GALK2: variants seen among roughly 807,000 people sequenced by gnomAD.
The protein encoded by GALK2 is galactokinase 2.
A neutral mutation model predicts 52.4 loss-of-function variants in GALK2; 36 were observed. The ratio of observed to expected loss-of-function variants is 0.69; its 90% CI spans 0.53 to 0.91. The LOEUF (loss-of-function observed/expected upper bound fraction) is 0.91, where lower values mean the gene tolerates loss of function less well. Among genes scored for constraint, GALK2 ranks in the 40% least tolerant of loss-of-function variants. The probability of loss-of-function intolerance (pLI) is 0.00; values close to 1 mark genes in which losing one functional copy is unlikely to be tolerated. For synonymous variants in GALK2, 176 were observed against 199.1 expected (o/e 0.88, Z 0.98); for missense variants, 579 against 559.1 (o/e 1.04, Z -0.36).
intron 8 of GALK2, among the ~76,000 whole-genome samples, chr15:49,309,481 G>C (rs2035812538): frequency 6.6e-6 from 1 of 151,862 alleles, no homozygotes; most frequent in Non-Finnish European, 1.5e-5. Flanking sequence ...ATATTTATAG[G>C]GTACAGAGTG....
At chr15:49,342,828 T>C (rs1262268922) in intron 3 of GALK2, among the ~76,000 whole-genome samples, 1 of 152,214 alleles carries the variant, frequency 6.6e-6, no homozygotes, top group African/African-American at 2.4e-5. Flanking sequence ...GAATTTCTTT[T>C]CTTTAAGAAT....
Position 49,328,008 on chromosome 15 carries a change from T to C in GALK2, c.1226T>C (p.Val409Ala), listed in dbSNP as rs1385508590. ...LTGAGWGGCT[V>A]SMVPADKLPS... The stretch of plus-strand genomic sequence containing the variant: ...GGAGCAGGATGGGGAGGCTGCACAG[T>C]ATCAATGGTACCTGCGGACAAGCTG... The change falls in exon 10 of 10, where the codon GTA (valine) becomes GCA (alanine). Residue 409 changes from valine (V) to alanine (A), a missense_variant. Physicochemically the swap from Val to Ala is moderately conservative, Grantham distance 64. Coordinates refer to ENST00000560031, the MANE Select transcript of GALK2 (RefSeq NM_002044.4). The C allele has an allele frequency of 6.2e-7, 1 of 1,613,924 alleles. No homozygotes were observed. The highest frequency in any genetic ancestry group is 8.5e-7 in the Non-Finnish European group (1 of 1,179,814).
chr15:49,189,886 A>G (rs1160696777), intron 1 of GALK2, among the ~76,000 whole-genome samples: 1 of 152,160 alleles, frequency 6.6e-6, no homozygotes, highest in African/African-American at 2.4e-5. Flanking sequence ...TTTTCAGACC[A>G]TGGTTGACAG....
intron 3 of GALK2, among the ~76,000 whole-genome samples, chr15:49,338,598 T>C (rs1037520832): frequency 2.6e-5 from 4 of 152,190 alleles, no homozygotes; most frequent in African/African-American, 7.2e-5. Context: ...CTGACAATTA[T>C]GTGTCTTGGG....
intron 8 of GALK2, among the ~76,000 whole-genome samples, chr15:49,317,076 A>T (rs897204087): frequency 6.6e-6 from 1 of 152,212 alleles, no homozygotes; most frequent in African/African-American, 2.4e-5. Context: ...ATGTTGAAGG[A>T]TAGATACTTT....
intron 5 of GALK2, among the ~76,000 whole-genome samples, chr15:49,281,439 T>C (rs936635056): frequency 1.3e-5 from 2 of 152,220 alleles, no homozygotes; most frequent in African/African-American, 4.8e-5. Context: ...TTCAAGATTT[T>C]CAGTTTGGGT....
chr15:49,198,420 A>C, intron 1 of GALK2, among the ~76,000 whole-genome samples: 1 of 152,196 alleles, frequency 6.6e-6, no homozygotes. Flanking sequence ...TGACCTTATT[A>C]ATCTTCCCAA....
At chr15:49,354,337 G>A (rs574144681) in intron 3 of GALK2, among the ~76,000 whole-genome samples, 22 of 152,306 alleles carry the variant, frequency 1.4e-4, no homozygotes, top group South Asian at 4.1e-4. Context: ...TGAGGTACCG[G>A]GTTCATCTCA....
At chr15:49,277,571 G>A (rs1424753574) in intron 5 of GALK2, among the ~76,000 whole-genome samples, 1 of 148,938 alleles carries the variant, frequency 6.7e-6, no homozygotes, top group Admixed American at 6.7e-5. Context: ...GCCGAGGCGG[G>A]CGGATCACGA....
intron 2 of GALK2, among the ~76,000 whole-genome samples, chr15:49,215,573 G>A (rs2089302811): frequency 6.6e-6 from 1 of 152,160 alleles, no homozygotes; most frequent in South Asian, 2.1e-4. Flanking sequence ...ATTTCTGTTT[G>A]AAATTTCAAA....
chr15:49,183,807 C>T (rs1217147293), intron 1 of GALK2, among the ~76,000 whole-genome samples: 2 of 149,704 alleles, frequency 1.3e-5, no homozygotes, highest in East Asian at 2.0e-4. Flanking sequence ...CACACCATTG[C>T]ACTCCAGCCT....
At chr15:49,227,169 GT>G (rs1488113507) in intron 3 of GALK2, among the ~76,000 whole-genome samples, 2 of 152,156 alleles carry the variant, frequency 1.3e-5, no homozygotes, top group African/African-American at 2.4e-5. Flanking sequence ...TCTAAATCCA[GT>G]GTTTCTTTTT....
intron 7 of GALK2, among the ~76,000 whole-genome samples, chr15:49,289,832 C>A (rs2033757415): frequency 1.3e-5 from 2 of 152,158 alleles, no homozygotes; most frequent in African/African-American, 2.4e-5. Context: ...CTGAGAGAAA[C>A]CAACCTAAAA....
intron 3 of GALK2, chr15:49,354,007 T>G (rs1195104544): frequency 6.6e-6 from 1 of 152,206 alleles, no homozygotes; most frequent in East Asian, 1.9e-4. Flanking sequence ...TAAATAATGG[T>G]AAAAAGAATA....
Position 49,217,129 on chromosome 15 carries a change from T to C in GALK2, c.143-61T>C, listed in dbSNP as rs2089443540. On this transcript the variant is annotated intron_variant, in intron 2 of 9. Coordinates refer to ENST00000560031, the MANE Select transcript of GALK2 (RefSeq NM_002044.4). ...TCAGTTTTTTCCTGTATGTAAACTT[T>C]CTTGAGGTGCTTTTGTTTTATATAT... 3.4e-6 allele frequency: 5 copies of C among 1,484,172 alleles called. No homozygotes were observed. In the South Asian group the frequency reaches 3.7e-5, roughly 11 times the overall value. 91.9% of individuals were successfully genotyped at this position (1,484,172 alleles called of 1,614,324 possible).
chr15:49,234,019 G>A (rs959227191), intron 3 of GALK2, among the ~76,000 whole-genome samples: 4 of 152,076 alleles, frequency 2.6e-5, no homozygotes, highest in African/African-American at 7.2e-5. Flanking sequence ...AAGAGATAAT[G>A]TATCCATGTT....
At chr15:49,179,899 C>T (rs1447611716) in intron 1 of GALK2, among the ~76,000 whole-genome samples, 1 of 152,064 alleles carries the variant, frequency 6.6e-6, no homozygotes, top group Non-Finnish European at 1.5e-5. Context: ...CCAATTACAG[C>T]CCTACCATTC....
At chr15:49,170,211 G>T, upstream of GALK2, 1 of 1,516,296 alleles carries the variant, frequency 6.6e-7, no homozygotes, top group East Asian at 2.5e-5. Context: ...CGCAGGGCGG[G>T]AGCTGTTTAT....
At chr15:49,225,330 A>T in intron 3 of GALK2, 1 of 433,136 alleles carries the variant, frequency 2.3e-6, no homozygotes, top group South Asian at 1.6e-5. Context: ...CCTGTTCAGA[A>T]GTGGGCCACA....
Sources: allele counts gnomAD v4.1 joint callset (sites outside exome capture counted in the v4.1 genomes callset), GRCh38; gene constraint gnomAD v4.1.1; transcripts MANE v1.5; gene names NCBI Gene and HGNC (gene_info 2026-07-23, HGNC 2026-07-21).